Variants in SRRM3 observed in about 807,000 individuals in gnomAD.
SRRM3 encodes the protein serine/arginine repetitive matrix protein 3.
In SRRM3, 27 loss-of-function variants were observed where a neutral mutation model predicts 66.2. That is an observed-to-expected ratio of 0.41 (90% CI 0.30 to 0.56). The LOEUF (loss-of-function observed/expected upper bound fraction) is 0.56, where lower values mean the gene tolerates loss of function less well. SRRM3 is among the 20% of genes least tolerant of loss of function. The pLI is 0.32. For missense variants in SRRM3, 918 were observed against 991.9 expected (o/e 0.93, Z 1.00); for synonymous variants, 391 against 414.9 (o/e 0.94, Z 0.70).
At chr7:76,253,146 G>A (rs184176412) in intron 3 of SRRM3, among the ~76,000 whole-genome samples, 9 of 151,804 alleles carry the variant, frequency 5.9e-5, no homozygotes, top group Admixed American at 2.0e-4. Flanking sequence ...TAGCCTGGGT[G>A]ACAGAGCAAG....
chr7:76,215,951 C>G (rs1369168008), intron 1 of SRRM3, among the ~76,000 whole-genome samples: 1 of 151,188 alleles, frequency 6.6e-6, no homozygotes, highest in Non-Finnish European at 1.5e-5. Context: ...GTGCCCACCA[C>G]CACGCCCAGC....
At chr7:76,225,005 CCCCGGT>C (rs1800820919) in intron 1 of SRRM3, among the ~76,000 whole-genome samples, 2 of 152,196 alleles carry the variant, frequency 1.3e-5, no homozygotes, top group Non-Finnish European at 1.5e-5. Context: ...CCCACCTTCG[CCCCGGT>C]CTATTACCGA....
chr7:76,235,317 C>T lies in SRRM3; in HGVS notation c.233+18C>T, dbSNP rs1554604742. The T allele has an allele frequency of 9.5e-7, 1 of 1,055,550 alleles. No individual in the cohort carries two copies. 65.4% of individuals were successfully genotyped at this position (1,055,550 alleles called of 1,614,324 possible). A position where few individuals can be genotyped will look rare whatever the true frequency, so the allele number is the denominator to read the frequency against. On this transcript the variant is annotated intron_variant, in intron 2 of 14. Transcript: ENST00000611745. ...GAGCAGGGGTGAGCAGGCCGCGGGGCGGGACTGGGGTGGGGAGATAGGCGG... is the reference window on the plus strand; with the variant it reads ...GAGCAGGGGTGAGCAGGCCGCGGGGTGGGACTGGGGTGGGGAGATAGGCGG...
chr7:76,265,775 TTA>T (rs1326802048), intron 10 of SRRM3, among the ~76,000 whole-genome samples: 105 of 133,078 alleles, frequency 7.9e-4, no homozygotes, highest in Non-Finnish European at 7.7e-4. Context: ...TATTTAATAT[TTA>T]TATATATTTA....
At chr7:76,222,058 C>T (rs782453425) in intron 1 of SRRM3, among the ~76,000 whole-genome samples, 2 of 152,166 alleles carry the variant, frequency 1.3e-5, no homozygotes, top group African/African-American at 2.4e-5. Context: ...CTGATCGGCA[C>T]GGGTCTGTCT....
At chr7:76,249,335 G>A (rs904079384) in intron 3 of SRRM3, among the ~76,000 whole-genome samples, 15 of 150,878 alleles carry the variant, frequency 9.9e-5, no homozygotes, top group Admixed American at 5.9e-4. Context: ...GCAGTGAGCC[G>A]CGCCACTGCA....
chr7:76,262,445 G>A (rs1472679703), intron 8 of SRRM3, among the ~76,000 whole-genome samples: 4 of 149,062 alleles, frequency 2.7e-5, no homozygotes, highest in Admixed American at 2.7e-4. Flanking sequence ...GGCGGAGGTT[G>A]CAGTGAGCCA....
chr7:76,215,736 C>A (rs1437550459), intron 1 of SRRM3, among the ~76,000 whole-genome samples: 2 of 148,212 alleles, frequency 1.3e-5, no homozygotes, highest in Non-Finnish European at 3.0e-5. Flanking sequence ...CAAATGTTCT[C>A]CTGTCTCAGC....
intron 5 of SRRM3, 84 bp from the exon 6 acceptor site, chr7:76,260,790 C>T: frequency 2.2e-6 from 3 of 1,346,916 alleles, no homozygotes; most frequent in Non-Finnish European, 2.1e-6. Context: ...CCTCCCCTGT[C>T]CTGCGTGAGA....
intron 3 of SRRM3, among the ~76,000 whole-genome samples, chr7:76,250,611 T>G (rs1410047573): frequency 6.6e-6 from 1 of 152,166 alleles, no homozygotes. Context: ...TCTTGCAGAC[T>G]TTCTGTATTG....
intron 11 of SRRM3, among the ~76,000 whole-genome samples, chr7:76,272,722 AG>A (rs1253075239): frequency 6.6e-6 from 1 of 152,116 alleles, no homozygotes; most frequent in Non-Finnish European, 1.5e-5. Context: ...CCCTTAGGTG[AG>A]GGTGGCAGAG....
intron 1 of SRRM3, among the ~76,000 whole-genome samples, chr7:76,228,228 A>C (rs1800928128): frequency 1.3e-5 from 2 of 152,170 alleles, no homozygotes; most frequent in South Asian, 4.1e-4. Context: ...AAACAAGACA[A>C]GACTCTTTTT....
chr7:76,280,631 A>C (rs1393631714), intron 11 of SRRM3, among the ~76,000 whole-genome samples: 3 of 134,858 alleles, frequency 2.2e-5, no homozygotes, highest in African/African-American at 8.5e-5. Flanking sequence ...CATGAGCTGC[A>C]CTGTTGAGGC....
intron 1 of SRRM3, among the ~76,000 whole-genome samples, chr7:76,230,910 C>T (rs1800999054): frequency 6.6e-6 from 1 of 151,988 alleles, no homozygotes; most frequent in African/African-American, 2.4e-5. Context: ...ACCATCATGC[C>T]TGGCTAATTT....
chr7:76,255,349 A>G (rs1554607561), intron 3 of SRRM3, among the ~76,000 whole-genome samples: 1 of 151,814 alleles, frequency 6.6e-6, no homozygotes, highest in East Asian at 1.9e-4. Flanking sequence ...GGGTTTCTCC[A>G]TGCTGGTCAG....
chr7:76,265,762 A>C, intron 10 of SRRM3, among the ~76,000 whole-genome samples: 1 of 136,026 alleles, frequency 7.4e-6, no homozygotes, highest in Non-Finnish European at 1.5e-5. Context: ...ATATAATTAT[A>C]TATATTTAAT....
At chr7:76,283,596 TG>T (rs782133151) in intron 14 of SRRM3, 2 of 468,240 alleles carry the variant, frequency 4.3e-6, no homozygotes, top group South Asian at 3.1e-5. Flanking sequence ...GCCTGGGAGA[TG>T]CCCAAGTGAG....
chr7:76,274,878 G>C (rs1279577744), intron 11 of SRRM3, among the ~76,000 whole-genome samples: 3 of 152,242 alleles, frequency 2.0e-5, no homozygotes, highest in Non-Finnish European at 4.4e-5. Context: ...GGCCGAGGTG[G>C]GCGGATCACT....
At position 76,285,679 on chromosome 7, in the gene SRRM3, A is replaced by G; in HGVS notation, c.1798A>G (p.Ser600Gly). 1 of 1,551,104 alleles carries G rather than the reference A, an allele frequency of 6.4e-7. No homozygotes were observed. The highest frequency in any genetic ancestry group is 8.7e-7 in the Non-Finnish European group (1 of 1,146,914). ...CTCTTCCTCCTCCAGCTGCTTGAGC[A>G]GCGACTACTCGACCCGGAGCCACAG... The part of the protein sequence containing the change: ...SPSSSSSCLS[S>G]DYSTRSHSRS... Residue 600 changes from serine (S) to glycine (G), a missense_variant, in exon 15 of 15, where the codon AGC becomes GGC. Physicochemically the swap from Ser to Gly is moderately conservative, Grantham distance 56. Coordinates refer to ENST00000611745, the MANE Select transcript of SRRM3 (RefSeq NM_001110199.3). The surrounding 1 kb of genome is among the most constrained non-coding windows in gnomAD (Gnocchi z 4.1).
Sources: allele counts gnomAD v4.1 joint callset (sites outside exome capture counted in the v4.1 genomes callset), GRCh38; gene constraint gnomAD v4.1.1; non-coding constraint Gnocchi (gnomAD v3.1); transcripts MANE v1.5; gene names NCBI Gene and HGNC (gene_info 2026-07-23, HGNC 2026-07-21).